The following SEMA3D variants were observed in gnomAD, a reference collection of about 807,000 sequenced individuals.
SEMA3D encodes semaphorin 3D.
A neutral mutation model predicts 100.1 loss-of-function variants in SEMA3D; 84 were observed. The ratio of observed to expected loss-of-function variants is 0.84; its 90% confidence interval spans 0.70 to 1.01. SEMA3D has a LOEUF of 1.01. Among genes scored for constraint, SEMA3D ranks in the 50% least tolerant of loss-of-function variants. The pLI, the probability that SEMA3D is intolerant of heterozygous loss-of-function variation, is 0.00. For missense variants in SEMA3D, 875 were observed against 934.1 expected (o/e 0.94, Z 0.82); for synonymous variants, 312 against 320.7 (o/e 0.97, Z 0.29).
At chr7:85,079,293 A>G (rs139014903) in intron 5 of SEMA3D, among the ~76,000 whole-genome samples, 60 of 152,322 alleles carry the variant, frequency 3.9e-4, no homozygotes, top group African/African-American at 1.4e-3. Context: ...TATTATTAGA[A>G]GCTCTAAAAT....
At chr7:85,124,463 A>T (rs904321586) in intron 2 of SEMA3D, among the ~76,000 whole-genome samples, 1 of 152,040 alleles carries the variant, frequency 6.6e-6, no homozygotes, top group Non-Finnish European at 1.5e-5. Context: ...CTGACCATTT[A>T]TAAGGTGAGG....
chr7:85,215,315 G>A, the SEMA3D span, among the ~76,000 whole-genome samples: 1 of 151,914 alleles, frequency 6.6e-6, no homozygotes, highest in African/African-American at 2.4e-5. Flanking sequence ...CTATGAAGTA[G>A]GTGTTATTGT....
the SEMA3D span, among the ~76,000 whole-genome samples, chr7:85,235,987 C>A: frequency 5.9e-5 from 9 of 152,088 alleles, no homozygotes; most frequent in Non-Finnish European, 1.3e-4. Context: ...TACTTCTGTA[C>A]AACTAAAATT....
At chr7:85,045,714 C>T (rs1403304116) in intron 9 of SEMA3D, among the ~76,000 whole-genome samples, 3 of 151,728 alleles carry the variant, frequency 2.0e-5, no homozygotes, top group Non-Finnish European at 4.4e-5. Flanking sequence ...GTTCTGTGTT[C>T]ATGTATAGTA....
intron 2 of SEMA3D, chr7:85,140,097 G>C (rs1161116175): frequency 2.8e-6 from 1 of 354,792 alleles, no homozygotes; most frequent in African/African-American, 2.2e-5. Context: ...ATATATTACT[G>C]CAGACTACTA....
intron 9 of SEMA3D, among the ~76,000 whole-genome samples, chr7:85,053,408 A>C (rs2116064101): frequency 6.6e-6 from 1 of 152,132 alleles, no homozygotes; most frequent in South Asian, 2.1e-4. Flanking sequence ...AAACAACAGA[A>C]AGGAATAATA....
intron 13 of SEMA3D, among the ~76,000 whole-genome samples, chr7:85,020,592 A>G (rs1448510305): frequency 6.6e-6 from 1 of 151,566 alleles, no homozygotes; most frequent in Non-Finnish European, 1.5e-5. Context: ...ATATAGATAT[A>G]TATGTATAAT....
intron 2 of SEMA3D, among the ~76,000 whole-genome samples, chr7:85,132,960 A>G (rs1054702240): frequency 6.6e-6 from 1 of 151,938 alleles, no homozygotes; most frequent in Non-Finnish European, 1.5e-5. Context: ...CGTGTTCAGA[A>G]AGTAACTTGC....
chr7:85,212,096 G>T, the SEMA3D span, among the ~76,000 whole-genome samples: 1 of 152,010 alleles, frequency 6.6e-6, no homozygotes, highest in African/African-American at 2.4e-5. Flanking sequence ...TAAATACTTG[G>T]ATAGTCATGG....
the SEMA3D span, among the ~76,000 whole-genome samples, chr7:85,197,818 G>A: frequency 6.6e-6 from 1 of 152,130 alleles, no homozygotes; most frequent in South Asian, 2.1e-4. Context: ...GGACAATAAT[G>A]TTCATGGCAA....
chr7:85,029,129 C>G lies in SEMA3D; in HGVS notation c.1192-6516G>C. ...ACCTTCACTACCTACTCTGACAAGC[C>G]TAGCATGTCATTGCCAAGGATAAAA... On this transcript the variant is annotated intron_variant, in intron 12 of 18. Coordinates refer to ENST00000284136, the MANE Select transcript of SEMA3D (RefSeq NM_001384900.1). 9 of 618,304 alleles carry G rather than the reference C, an allele frequency of 1.5e-5. No individual in the cohort carries two copies. In the South Asian group the frequency reaches 1.5e-4, roughly 10 times the overall value. 38.3% of individuals were successfully genotyped at this position (618,304 alleles called of 1,614,324 possible). A position where few individuals can be genotyped will look rare whatever the true frequency, so the allele number is the denominator to read the frequency against.
intron 16 of SEMA3D, among the ~76,000 whole-genome samples, chr7:85,013,888 T>C (rs886732595): frequency 6.6e-6 from 1 of 151,748 alleles, no homozygotes; most frequent in South Asian, 2.1e-4. Flanking sequence ...AAACTGAAGG[T>C]TTATTACCAA....
the SEMA3D span, among the ~76,000 whole-genome samples, chr7:85,213,712 A>G: frequency 6.6e-6 from 1 of 150,966 alleles, no homozygotes; most frequent in African/African-American, 2.5e-5. Context: ...AGAAACTGCT[A>G]TCTCTTTAAT....
At chr7:85,085,184 T>C (rs2116253499) in intron 4 of SEMA3D, among the ~76,000 whole-genome samples, 1 of 152,200 alleles carries the variant, frequency 6.6e-6, no homozygotes, top group East Asian at 1.9e-4. Context: ...AAGGAATACA[T>C]GTAGGGCAAA....
At chr7:85,040,078 A>ACAAT (rs1432418391) in intron 11 of SEMA3D, among the ~76,000 whole-genome samples, 2 of 150,660 alleles carry the variant, frequency 1.3e-5, no homozygotes, top group Non-Finnish European at 3.0e-5. Flanking sequence ...CCAGGCTTAA[A>ACAAT]CAATCCTCTG....
At chr7:85,025,676 C>A (rs374347175) in intron 12 of SEMA3D, among the ~76,000 whole-genome samples, 1 of 151,964 alleles carries the variant, frequency 6.6e-6, no homozygotes, top group Non-Finnish European at 1.5e-5. Flanking sequence ...AAAAGAAAGA[C>A]TGAACTAGGC....
intron 12 of SEMA3D, among the ~76,000 whole-genome samples, chr7:85,036,502 T>C (rs1317879711): frequency 6.6e-6 from 1 of 152,108 alleles, no homozygotes; most frequent in African/African-American, 2.4e-5. Context: ...CTTTTCAAAG[T>C]AGAAGTGGGG....
chr7:85,178,134 A>G (rs1277094186), intron 1 of SEMA3D, among the ~76,000 whole-genome samples: 1 of 152,194 alleles, frequency 6.6e-6, no homozygotes, highest in Non-Finnish European at 1.5e-5. Context: ...CTACCCAGCC[A>G]TGTGGAACTG....
chr7:85,205,652 C>T, the SEMA3D span, among the ~76,000 whole-genome samples: 1 of 152,030 alleles, frequency 6.6e-6, no homozygotes, highest in Non-Finnish European at 1.5e-5. Flanking sequence ...TTGCCTCTTT[C>T]CCCTAAATCA....
Sources: gnomAD v4.1 joint callset for allele counts (sites outside exome capture counted in the v4.1 genomes callset) on GRCh38, gnomAD v4.1.1 for gene constraint, MANE v1.5 for transcripts, NCBI Gene and HGNC (gene_info 2026-07-23, HGNC 2026-07-21) for gene names.